The following MRGPRX3 variants were observed in gnomAD, a reference collection of about 807,000 sequenced individuals.
The protein encoded by MRGPRX3 is mas-related G protein-coupled receptor member X3.
Under a neutral mutation model 16.5 loss-of-function variants are expected in MRGPRX3, and 14 were observed. The ratio of observed to expected loss-of-function variants is 0.85; its 90% CI spans 0.56 to 1.33. The LOEUF (loss-of-function observed/expected upper bound fraction) is 1.33. MRGPRX3 is among the 40% of genes most tolerant of loss of function. The pLI is 0.00. For missense variants in MRGPRX3, 449 were observed against 413.0 expected (o/e 1.09, Z -0.76); for synonymous variants, 199 against 180.1 (o/e 1.10, Z -0.84).
chr11:18,122,673 G>A (rs956831207), intron 1 of MRGPRX3, among the ~76,000 whole-genome samples: 4 of 152,104 alleles, frequency 2.6e-5, no homozygotes, highest in African/African-American at 9.7e-5. Context: ...TTATAGCAGG[G>A]TGATTTATAA....
intron 1 of MRGPRX3, among the ~76,000 whole-genome samples, chr11:18,122,960 T>G (rs992316236): frequency 6.6e-6 from 1 of 152,196 alleles, no homozygotes; most frequent in Admixed American, 6.5e-5. Context: ...TTTTTTCATG[T>G]GTCTTTTGGC....
upstream of MRGPRX3, among the ~76,000 whole-genome samples, chr11:18,131,788 T>C (rs1377830306): frequency 6.6e-6 from 1 of 152,180 alleles, no homozygotes; most frequent in Admixed American, 6.5e-5. Context: ...ACCCTTATTC[T>C]AAGTGGGGTA....
At chr11:18,130,183 A>G (rs777644027), upstream of MRGPRX3, among the ~76,000 whole-genome samples, 5 of 152,168 alleles carry the variant, frequency 3.3e-5, no homozygotes, top group African/African-American at 9.6e-5. Flanking sequence ...AGCCAGAGCA[A>G]TCAGACAAGA....
At chr11:18,137,113 T>C (rs779092696) in intron 1 of MRGPRX3, 65 bp from the exon 2 acceptor site, 23 of 1,453,496 alleles carry the variant, frequency 1.6e-5, no homozygotes, top group Admixed American at 2.2e-5. Flanking sequence ...AAATCCCACA[T>C]GGCAGGGTGG....
At chr11:18,127,988 C>G (rs968588958), upstream of MRGPRX3, among the ~76,000 whole-genome samples, 1 of 152,222 alleles carries the variant, frequency 6.6e-6, no homozygotes, top group African/African-American at 2.4e-5. Flanking sequence ...TTCCTTCTAA[C>G]AGTCAGGACC....
chr11:18,121,937 A>G (rs1050369887), intron 1 of MRGPRX3, among the ~76,000 whole-genome samples: 2 of 151,290 alleles, frequency 1.3e-5, no homozygotes, highest in African/African-American at 4.9e-5. Flanking sequence ...CCTTCCCTCC[A>G]CTATTGTCCT....
chr11:18,125,416 A>G (rs1424837072), intron 1 of MRGPRX3, among the ~76,000 whole-genome samples: 1 of 152,120 alleles, frequency 6.6e-6, no homozygotes, highest in Non-Finnish European at 1.5e-5. Context: ...TTCAAAGAAC[A>G]TATTTATTTC....
chr11:18,127,868 T>G (rs866343205), upstream of MRGPRX3, among the ~76,000 whole-genome samples: 6 of 152,142 alleles, frequency 3.9e-5, no homozygotes, highest in Non-Finnish European at 5.9e-5. Context: ...AATTTTCTGT[T>G]TTTCTGCTCT....
upstream of MRGPRX3, among the ~76,000 whole-genome samples, chr11:18,129,236 A>C (rs191131580): frequency 3.9e-4 from 59 of 152,354 alleles, no homozygotes; most frequent in African/African-American, 1.4e-3. Flanking sequence ...CAAAAGATAA[A>C]TGAAACAAAA....
chr11:18,122,906 G>C (rs1007879353), intron 1 of MRGPRX3, among the ~76,000 whole-genome samples: 1 of 152,138 alleles, frequency 6.6e-6, no homozygotes, highest in Admixed American at 6.5e-5. Flanking sequence ...GTATCTCATT[G>C]TGGTTTTGAT....
rs187018401 is a variant in MRGPRX3, at chr11:18,134,676, C to T, written c.-26+1937C>T. 1.3e-4 allele frequency among the ~76,000 whole-genome samples: 20 copies of T among 152,284 alleles called. No homozygotes were observed. The East Asian group carries it at 3.1e-3, about 23-fold the overall frequency. On this transcript the variant is annotated intron_variant, in intron 1 of 1. Coordinates refer to ENST00000621697, the MANE Select transcript of MRGPRX3 (RefSeq NM_001370464.1). ...CAGAATTCCAAAAATTGCTGCTCCC[C>T]AGTTCCTAGAGAGTTGCCCTCATCC...
chr11:18,121,057 C>A (rs1223033798), exon 1 of MRGPRX3: 1 of 151,604 alleles, frequency 6.6e-6, no homozygotes, highest in Non-Finnish European at 1.4e-5. Context: ...AAGTGAGGAG[C>A]GTCTCTGCCC....
At chr11:18,128,299 C>T (rs1314296828), upstream of MRGPRX3, among the ~76,000 whole-genome samples, 1 of 152,246 alleles carries the variant, frequency 6.6e-6, no homozygotes, top group Non-Finnish European at 1.5e-5. Flanking sequence ...CTACTCTCTT[C>T]AAAGCTGTCA....
At chr11:18,126,335 G>T (rs1242902434) in intron 1 of MRGPRX3, among the ~76,000 whole-genome samples, 1 of 152,102 alleles carries the variant, frequency 6.6e-6, no homozygotes, top group Non-Finnish European at 1.5e-5. Context: ...GGTACTGGTT[G>T]TTCCTTTCCA....
intron 1 of MRGPRX3, chr11:18,121,192 C>T (rs1162412966): frequency 2.0e-5 from 3 of 153,050 alleles, no homozygotes; most frequent in African/African-American, 4.9e-5. Flanking sequence ...CCAGCCGCCC[C>T]ATCTGAGAAG....
At chr11:18,122,109 ACTGCATTGCTTGCATGCAAAAAAAT>A (rs202176209) in intron 1 of MRGPRX3, among the ~76,000 whole-genome samples, 28,262 of 151,608 alleles carry the variant, frequency 0.19, 2,894 homozygotes, top group Non-Finnish European at 0.23. Context: ...TGCAAAAAAA[ACTGCATTGCTTGCATGCAAAAAAAT>A]CTGCATTGCA....
chr11:18,129,876 T>C (rs141147039), upstream of MRGPRX3, among the ~76,000 whole-genome samples: 237 of 152,292 alleles, frequency 1.6e-3, no homozygotes, highest in African/African-American at 5.4e-3. Context: ...TAGGTTAACA[T>C]ACACAAGTCA....
At chr11:18,121,452 TGGGGGG>T in intron 1 of MRGPRX3, among the ~76,000 whole-genome samples, 1 of 147,124 alleles carries the variant, frequency 6.8e-6, no homozygotes, top group African/African-American at 2.6e-5. Context: ...GGGAGGGAGG[TGGGGGG>T]GTTAGCCCCC....
intron 1 of MRGPRX3, among the ~76,000 whole-genome samples, chr11:18,123,723 AG>A (rs1324702295): frequency 6.6e-6 from 1 of 152,226 alleles, no homozygotes; most frequent in African/African-American, 2.4e-5. Context: ...AATTCTGTGA[AG>A]AAAGGCATTG....
Sources: allele counts gnomAD v4.1 joint callset (sites outside exome capture counted in the v4.1 genomes callset), GRCh38; gene constraint gnomAD v4.1.1; transcripts MANE v1.5; gene names NCBI Gene and HGNC (gene_info 2026-07-23, HGNC 2026-07-21).